The following PCDHGB3 variants were observed in gnomAD, a reference collection of about 807,000 sequenced individuals.
PCDHGB3 encodes protocadherin gamma-B3.
PCDHGB3 carries 40 observed loss-of-function variants against 59.2 expected under a neutral mutation model. The ratio of observed to expected loss-of-function variants is 0.68; its 90% CI spans 0.52 to 0.88. The LOEUF is 0.88. PCDHGB3 is among the 40% of genes least tolerant of loss of function. The pLI is 0.00. For missense variants in PCDHGB3, 1,309 were observed against 1,187.9 expected (o/e 1.10, Z -1.50); for synonymous variants, 581 against 503.6 (o/e 1.15, Z -2.06).
chr5:141,507,263 T>C (rs755395344), intron 3 of PCDHGB3: 1 of 152,038 alleles, frequency 6.6e-6, no homozygotes, highest in Non-Finnish European at 1.5e-5. Flanking sequence ...AAACAGCAAG[T>C]ACTATTTCAG....
At position 141,383,086 on chromosome 5, in the gene PCDHGB3, G is replaced by A. The variant is rs373805952; in HGVS notation, c.2415+10277G>A. 3.1e-6 allele frequency: 5 copies of A among 1,613,788 alleles called. No individual in the cohort carries two copies. The African/African-American group carries it at 6.7e-5, about 22-fold the overall frequency. On this transcript the variant is annotated intron_variant, in intron 1 of 3. Transcript: ENST00000576222. ...GGAGCCCCGGGAGCTGGCGGAGCGC[G>A]GAGTCCGCATCATCTCCAGAGGTAG...
chr5:141,469,992 G>T (rs894673835), intron 1 of PCDHGB3, among the ~76,000 whole-genome samples: 2 of 152,056 alleles, frequency 1.3e-5, no homozygotes, highest in Non-Finnish European at 2.9e-5. Context: ...TTAGCTGGTC[G>T]TCGTGGCACG....
chr5:141,430,952 C>G, intron 1 of PCDHGB3: 2 of 1,610,382 alleles, frequency 1.2e-6, no homozygotes, highest in African/African-American at 2.7e-5. Flanking sequence ...GCGCGGAGTC[C>G]GCATCATCCC....
Position 141,477,598 on chromosome 5 carries a change from C to A in PCDHGB3, c.2416-17209C>A. The A allele has an allele frequency of 6.2e-7, 1 of 1,614,180 alleles. No homozygotes were observed. The highest frequency in any genetic ancestry group is 8.5e-7 in the Non-Finnish European group (1 of 1,180,030). ...CCCCGCAGAATGCTCGGCTTTCTTT[C>A]TTTCTCTTGGAGCAAGGAGCTGAAA... On this transcript the variant is annotated intron_variant, in intron 1 of 3. Transcript: ENST00000576222. This position sits in a 1 kb window ranked among gnomAD's most constrained non-coding sequence, Gnocchi z 4.9.
chr5:141,427,764 T>C (rs1239199764), intron 1 of PCDHGB3: 4 of 1,383,480 alleles, frequency 2.9e-6, no homozygotes, highest in Non-Finnish European at 4.1e-6. Context: ...TACCACTGAC[T>C]TGGAGCTGCG....
chr5:141,444,360 G>A (rs556605314), intron 1 of PCDHGB3, among the ~76,000 whole-genome samples: 1 of 151,652 alleles, frequency 6.6e-6, no homozygotes, highest in South Asian at 2.1e-4. Context: ...TAGTAGAGAC[G>A]GGGTTTCTCC....
chr5:141,393,085 ATCGGGAGGAGC>A (rs2092673421), intron 1 of PCDHGB3: 1 of 1,613,542 alleles, frequency 6.2e-7, no homozygotes, highest in African/African-American at 1.3e-5. Flanking sequence ...GGCAGGATAG[ATCGGGAGGAGC>A]TCTGCGCTCA....
At chr5:141,428,049 G>A (rs770637382) in intron 1 of PCDHGB3, 16 of 1,608,954 alleles carry the variant, frequency 9.9e-6, no homozygotes, top group Non-Finnish European at 1.4e-5. Flanking sequence ...GGTGACCAAG[G>A]TGGTGGCGGT....
intron 1 of PCDHGB3, among the ~76,000 whole-genome samples, chr5:141,465,335 T>C (rs1222292569): frequency 6.6e-6 from 1 of 152,186 alleles, no homozygotes; most frequent in African/African-American, 2.4e-5. Context: ...ATTTTTTATA[T>C]TGGTTACTGA....
chr5:141,373,423 T>G (rs992122154), intron 1 of PCDHGB3, among the ~76,000 whole-genome samples: 1 of 152,214 alleles, frequency 6.6e-6, no homozygotes, highest in Non-Finnish European at 1.5e-5. Flanking sequence ...CTCGGGAGGC[T>G]GAGGTGGGAG....
At chr5:141,460,088 A>C (rs1225262213) in intron 1 of PCDHGB3, among the ~76,000 whole-genome samples, 2 of 151,990 alleles carry the variant, frequency 1.3e-5, no homozygotes, top group Non-Finnish European at 2.9e-5. Flanking sequence ...AAAAATAATA[A>C]TTATACATGT....
intron 1 of PCDHGB3, chr5:141,374,023 A>C: frequency 7.1e-7 from 1 of 1,412,854 alleles, no homozygotes; most frequent in South Asian, 1.7e-5. Flanking sequence ...GAGAAGAGCA[A>C]AAGTGATGCA....
At chr5:141,414,118 G>C (rs559064215) in intron 1 of PCDHGB3, 1 of 1,592,490 alleles carries the variant, frequency 6.3e-7, no homozygotes, top group Admixed American at 1.8e-5. Flanking sequence ...AGATTATGAA[G>C]AAACCGGTTT....
At chr5:141,413,631 G>A in intron 1 of PCDHGB3, 4 of 1,613,750 alleles carry the variant, frequency 2.5e-6, no homozygotes, top group Admixed American at 1.7e-5. Context: ...ATGTCGCTGC[G>A]GGAATGCGTT....
Position 141,489,195 on chromosome 5 carries a change from A to G in PCDHGB3, c.2416-5612A>G, listed in dbSNP as rs200660227. ...ATTCCAAGCCCTGGGTCTACCTTGG[A>G]GACAGGACAGCACAGACTTACTCTC... is the stretch of plus-strand genomic sequence containing the variant. On this transcript the variant is annotated intron_variant, in intron 1 of 3. Transcript: ENST00000576222. This position sits in a 1 kb window ranked among gnomAD's most constrained non-coding sequence, Gnocchi z 4.5. 1.8e-5 allele frequency: 25 copies of G among 1,383,116 alleles called. No individual in the cohort carries two copies. The East Asian group carries it at 4.8e-4, about 27-fold the overall frequency. 85.7% of individuals were successfully genotyped at this position (1,383,116 alleles called of 1,614,324 possible). A position where few individuals can be genotyped will look rare whatever the true frequency, so the allele number is the denominator to read the frequency against.
intron 1 of PCDHGB3, chr5:141,383,154 C>A: frequency 6.2e-7 from 1 of 1,614,112 alleles, no homozygotes; most frequent in South Asian, 1.1e-5. Context: ...GCAGCTTGGT[C>A]ACTGCGGGCA....
intron 1 of PCDHGB3, among the ~76,000 whole-genome samples, chr5:141,434,285 T>G (rs1358981946): frequency 6.6e-6 from 1 of 152,232 alleles, no homozygotes; most frequent in Non-Finnish European, 1.5e-5. Context: ...GTATTCTCTG[T>G]TTTTCCTGTA....
intron 1 of PCDHGB3, chr5:141,423,313 G>T (rs1407028245): frequency 1.2e-6 from 2 of 1,614,184 alleles, no homozygotes; most frequent in Non-Finnish European, 1.7e-6. Context: ...GTACTTGGTG[G>T]TGGCGGTGGC....
intron 1 of PCDHGB3, among the ~76,000 whole-genome samples, chr5:141,406,629 A>G (rs2094832755): frequency 6.6e-6 from 1 of 152,188 alleles, no homozygotes; most frequent in Non-Finnish European, 1.5e-5. Context: ...TCATATCTTC[A>G]AAGGTCTTAA....
Sources: allele counts gnomAD v4.1 joint callset (sites outside exome capture counted in the v4.1 genomes callset), GRCh38; gene constraint gnomAD v4.1.1; non-coding constraint Gnocchi (gnomAD v3.1); transcripts MANE v1.5; gene names NCBI Gene and HGNC (gene_info 2026-07-23, HGNC 2026-07-21).